Variants in MED12L observed in about 807,000 individuals in gnomAD.
MED12L encodes the protein mediator of RNA polymerase II transcription subunit 12-like protein.
A neutral mutation model predicts 281.3 loss-of-function variants in MED12L; 60 were observed. The ratio of observed to expected loss-of-function variants is 0.21; its 90% CI spans 0.17 to 0.26. The LOEUF (loss-of-function observed/expected upper bound fraction) is 0.26, where lower values mean the gene tolerates loss of function less well. MED12L is among the 10% of genes least tolerant of loss of function. MED12L has a pLI of 1.00. For missense variants in MED12L, 2,146 were observed against 2,680.9 expected, an observed-to-expected ratio of 0.80 and a Z score of 4.41; for synonymous variants, 974 against 987.2, an observed-to-expected ratio of 0.99 and a Z score of 0.25.
chr3:151,216,376 A>G (rs1728221326), intron 16 of MED12L, among the ~76,000 whole-genome samples: 1 of 152,180 alleles, frequency 6.6e-6, no homozygotes, highest in South Asian at 2.1e-4. Context: ...GTGAATGACA[A>G]GTTAGGTTGA....
chr3:151,158,898 C>G, intron 7 of MED12L, 99 bp downstream of exon 7: 1 of 777,526 alleles, frequency 1.3e-6, no homozygotes, highest in South Asian at 1.6e-5. Flanking sequence ...AAAAAATATC[C>G]TGTTGAAATG....
intron 16 of MED12L, among the ~76,000 whole-genome samples, chr3:151,329,178 T>G (rs531906927): frequency 6.6e-6 from 1 of 152,320 alleles, no homozygotes; most frequent in East Asian, 1.9e-4. Context: ...CTGGCTAGAA[T>G]TTTTAAAGCA....
At chr3:151,207,154 C>G (rs1222443297) in intron 16 of MED12L, among the ~76,000 whole-genome samples, 1 of 151,736 alleles carries the variant, frequency 6.6e-6, no homozygotes, top group Non-Finnish European at 1.5e-5. Flanking sequence ...GACTCCTTGG[C>G]TCAAGCAATC....
chr3:151,239,171 G>A (rs575538039), intron 16 of MED12L, among the ~76,000 whole-genome samples: 8 of 152,300 alleles, frequency 5.3e-5, no homozygotes, highest in African/African-American at 1.9e-4. Context: ...CTGCATGAAT[G>A]TATTTTATCT....
chr3:151,381,460 T>C (rs755255943), intron 32 of MED12L, among the ~76,000 whole-genome samples: 3 of 152,210 alleles, frequency 2.0e-5, no homozygotes, highest in Non-Finnish European at 4.4e-5. Flanking sequence ...ATGGCCCTCT[T>C]TCCTCCATGG....
intron 2 of MED12L, among the ~76,000 whole-genome samples, chr3:151,115,879 G>A (rs1437884773): frequency 6.6e-6 from 1 of 151,396 alleles, no homozygotes; most frequent in African/African-American, 2.4e-5. Flanking sequence ...CCAAAATGGT[G>A]AAACCCCATC....
chr3:151,412,453 A>G (rs1717040139), intron 41 of MED12L, among the ~76,000 whole-genome samples: 1 of 152,212 alleles, frequency 6.6e-6, no homozygotes, highest in Non-Finnish European at 1.5e-5. Flanking sequence ...TCTTAGCAGC[A>G]TCATGTAAAA....
chr3:151,208,546 A>T (rs1726689787), intron 16 of MED12L, among the ~76,000 whole-genome samples: 1 of 152,080 alleles, frequency 6.6e-6, no homozygotes, highest in Non-Finnish European at 1.5e-5. Context: ...GCCAGGCGTG[A>T]TGGCGGGTAC....
intron 22 of MED12L, among the ~76,000 whole-genome samples, chr3:151,365,422 G>A (rs1755155361): frequency 6.6e-6 from 1 of 152,048 alleles, no homozygotes; most frequent in Admixed American, 6.6e-5. Context: ...GGCATGAGAT[G>A]TTTTCAATAT....
intron 11 of MED12L, among the ~76,000 whole-genome samples, chr3:151,182,561 G>A (rs149239074): frequency 8.9e-4 from 135 of 152,210 alleles, no homozygotes; most frequent in African/African-American, 3.0e-3. Flanking sequence ...TGTGAAACTC[G>A]GGGGTAAGGA....
chr3:151,201,229 T>A (rs1463046487), intron 16 of MED12L, among the ~76,000 whole-genome samples: 1 of 151,592 alleles, frequency 6.6e-6, no homozygotes, highest in African/African-American at 2.4e-5. Flanking sequence ...ACACACTCTC[T>A]CTCTCTCTCT....
At chr3:151,337,054 GTAT>G (rs1162096176) in intron 16 of MED12L, 1 of 151,994 alleles carries the variant, frequency 6.6e-6, no homozygotes, top group East Asian at 1.9e-4. Context: ...GTCAATGATG[GTAT>G]TATTGAAGTT....
chr3:151,287,693 G>C (rs62283022), intron 16 of MED12L, among the ~76,000 whole-genome samples: 40,650 of 151,988 alleles, frequency 0.27, 5,745 homozygotes, highest in Non-Finnish European at 0.31. Context: ...TAAGGTTCTT[G>C]TGGCGATTTA....
chr3:151,275,234 CA>C (rs937993493), intron 16 of MED12L, among the ~76,000 whole-genome samples: 1 of 152,120 alleles, frequency 6.6e-6, no homozygotes, highest in Non-Finnish European at 1.5e-5. Context: ...GATCACACCA[CA>C]AGTGTACAGA....
chr3:151,425,740 C>T (rs1308051458), intron 43 of MED12L: 1 of 456,488 alleles, frequency 2.2e-6, no homozygotes. Context: ...AATCCAGAAT[C>T]CTAGAGAGAG....
At chr3:151,206,731 G>A (rs369008092) in intron 16 of MED12L, among the ~76,000 whole-genome samples, 81 of 124,632 alleles carry the variant, frequency 6.5e-4, no homozygotes, top group African/African-American at 2.3e-3. Context: ...TGCAAGATCC[G>A]TCTCCCAGGT....
chr3:151,384,427 A>T (rs1238205666), intron 35 of MED12L, among the ~76,000 whole-genome samples: 1 of 152,268 alleles, frequency 6.6e-6, no homozygotes, highest in Admixed American at 6.5e-5. Flanking sequence ...CAATTACATT[A>T]TAAAACATGT....
chr3:151,357,551 T>C (rs534367397), intron 20 of MED12L, among the ~76,000 whole-genome samples, 175 bp downstream of exon 20: 2 of 152,322 alleles, frequency 1.3e-5, no homozygotes, highest in Admixed American at 1.3e-4. Context: ...ATGTAAAGTA[T>C]GTTCTTTCTA....
chr3:151,184,836 C>G (rs1723083792), intron 11 of MED12L, among the ~76,000 whole-genome samples: 1 of 152,146 alleles, frequency 6.6e-6, no homozygotes, highest in African/African-American at 2.4e-5. Flanking sequence ...TCCAGCCTCC[C>G]CTCTGGTTTG....
Sources: gnomAD v4.1 joint callset for allele counts (sites outside exome capture counted in the v4.1 genomes callset) on GRCh38, gnomAD v4.1.1 for gene constraint, MANE v1.5 for transcripts, NCBI Gene and HGNC (gene_info 2026-07-23, HGNC 2026-07-21) for gene names.